ACTR3C: variants seen among roughly 807,000 people sequenced by gnomAD.
The protein encoded by ACTR3C is actin related protein 3C.
In ACTR3C, 18 loss-of-function variants were observed where a neutral mutation model predicts 26.3. That is an observed-to-expected ratio of 0.68 (90% CI 0.47 to 1.01). ACTR3C has a LOEUF of 1.01. Among genes scored for constraint, ACTR3C ranks in the 50% least tolerant of loss-of-function variants. The probability of loss-of-function intolerance (pLI) is 0.00; values close to 1 mark genes in which losing one functional copy is unlikely to be tolerated. For synonymous variants in ACTR3C, 55 were observed against 94.5 expected, an observed-to-expected ratio of 0.58 and a Z score of 2.42; for missense variants, 184 against 250.7, an observed-to-expected ratio of 0.73 and a Z score of 1.80.
chr7:149,988,540 A>C, the ACTR3C span, among the ~76,000 whole-genome samples: 1 of 152,278 alleles, frequency 6.6e-6, no homozygotes, highest in African/African-American at 2.4e-5. Context: ...TGGTTTACTA[A>C]AGATTTCTGC....
At chr7:149,937,082 G>A in the ACTR3C span, among the ~76,000 whole-genome samples, 61 of 152,246 alleles carry the variant, frequency 4.0e-4, no homozygotes, top group African/African-American at 1.4e-3. Context: ...GAGACACTGC[G>A]ACTGGCCATC....
the ACTR3C span, among the ~76,000 whole-genome samples, chr7:150,113,507 A>G: frequency 2.0e-5 from 3 of 152,208 alleles, no homozygotes; most frequent in African/African-American, 4.8e-5. Context: ...ATTGCACTGA[A>G]GCCCCAGGCA....
At chr7:150,133,952 G>A in the ACTR3C span, among the ~76,000 whole-genome samples, 1 of 152,040 alleles carries the variant, frequency 6.6e-6, no homozygotes, top group Non-Finnish European at 1.5e-5. Context: ...TGCTCAGGCT[G>A]GACTTGAATT....
chr7:149,978,086 C>T, the ACTR3C span, among the ~76,000 whole-genome samples: 1 of 151,596 alleles, frequency 6.6e-6, no homozygotes, highest in Admixed American at 6.6e-5. Flanking sequence ...CACGGGTTGC[C>T]TGTGTGGAAG....
the ACTR3C span, among the ~76,000 whole-genome samples, chr7:150,124,215 C>T: frequency 5.9e-5 from 9 of 152,240 alleles, no homozygotes; most frequent in Admixed American, 1.3e-4. Context: ...TTTACTTTCA[C>T]TATAACACTA....
chr7:149,946,216 T>A, the ACTR3C span, among the ~76,000 whole-genome samples: 1 of 152,224 alleles, frequency 6.6e-6, no homozygotes, highest in African/African-American at 2.4e-5. Flanking sequence ...GGCCTGGGAA[T>A]GGAGAGAACC....
the ACTR3C span, among the ~76,000 whole-genome samples, chr7:150,157,134 G>A: frequency 1.6e-4 from 22 of 139,264 alleles, no homozygotes; most frequent in South Asian, 9.9e-4. Flanking sequence ...ATGCAAACTT[G>A]CTTTTATGGC....
At chr7:150,068,896 C>G in the ACTR3C span, among the ~76,000 whole-genome samples, 1 of 151,406 alleles carries the variant, frequency 6.6e-6, no homozygotes, top group African/African-American at 2.4e-5. Context: ...AAGGAAAAGA[C>G]AGCCTGGACT....
chr7:150,160,445 C>T, the ACTR3C span, among the ~76,000 whole-genome samples: 1 of 152,130 alleles, frequency 6.6e-6, no homozygotes, highest in Admixed American at 6.5e-5. Flanking sequence ...AGCACTAGAA[C>T]AAAGAGAAAT....
the ACTR3C span, among the ~76,000 whole-genome samples, chr7:149,886,492 A>T: frequency 2.0e-5 from 3 of 152,216 alleles, no homozygotes; most frequent in Non-Finnish European, 4.4e-5. Flanking sequence ...ATATTCCTGG[A>T]AAAGCAGAGT....
At chr7:150,169,158 C>G in the ACTR3C span, among the ~76,000 whole-genome samples, 964 of 149,924 alleles carry the variant, frequency 6.4e-3, 54 homozygotes, top group African/African-American at 0.019. Context: ...GAGGTGGGCA[C>G]ATCAGGAGGT....
At chr7:150,040,428 G>C in the ACTR3C span, 1 of 148,078 alleles carries the variant, frequency 6.8e-6, no homozygotes, top group Non-Finnish European at 1.5e-5. Context: ...TGCTGTTGTC[G>C]GGATCCCCAT....
the ACTR3C span, among the ~76,000 whole-genome samples, chr7:149,949,201 TACACACAC>T: frequency 4.9e-5 from 7 of 144,296 alleles, no homozygotes; most frequent in East Asian, 3.9e-4. Flanking sequence ...TATACATATA[TACACACAC>T]ACACACACAC....
chr7:149,897,989 C>T, the ACTR3C span, among the ~76,000 whole-genome samples: 1 of 152,178 alleles, frequency 6.6e-6, no homozygotes, highest in Non-Finnish European at 1.5e-5. Context: ...TCACTTTCCC[C>T]ACCTCCTTTT....
Position 150,264,398 on chromosome 7 carries a change from T to C in ACTR3C, c.565-15344A>G, listed in dbSNP as rs577471820. 5.5e-3 allele frequency among the ~76,000 whole-genome samples: 834 copies of C among 150,436 alleles called. 9 individuals carry two copies. Among genetic ancestry groups the C allele is most frequent in the African/African-American group, 0.012 (495 of 40,774 alleles). On this transcript the variant is annotated intron_variant, in intron 6 of 7. Transcript: ENST00000683684. Reference sequence around the variant, plus strand: ...ACACTGCATGAATACTGGCAAGATTTGGGATGGCCTGTGCCATCAAGGTGC... The same window carrying C: ...ACACTGCATGAATACTGGCAAGATTCGGGATGGCCTGTGCCATCAAGGTGC...
At chr7:149,945,050 C>G in the ACTR3C span, among the ~76,000 whole-genome samples, 1 of 151,656 alleles carries the variant, frequency 6.6e-6, no homozygotes, top group Non-Finnish European at 1.5e-5. Flanking sequence ...CTCCTCAGCC[C>G]CAGGGAAATG....
the ACTR3C span, among the ~76,000 whole-genome samples, chr7:150,011,517 A>G: frequency 5.3e-5 from 8 of 152,336 alleles, no homozygotes; most frequent in Non-Finnish European, 1.2e-4. Context: ...CCTGGAAGGC[A>G]GAGGTTGCAG....
At chr7:149,993,651 G>C in the ACTR3C span, among the ~76,000 whole-genome samples, 1 of 151,998 alleles carries the variant, frequency 6.6e-6, no homozygotes, top group African/African-American at 2.4e-5. Context: ...GAGCTAAGCA[G>C]GGCAACCTTC....
the ACTR3C span, among the ~76,000 whole-genome samples, chr7:150,006,894 C>T: frequency 6.6e-6 from 1 of 152,152 alleles, no homozygotes; most frequent in Non-Finnish European, 1.5e-5. Flanking sequence ...TAGGCATATC[C>T]ACATATTAAA....
Sources: gnomAD v4.1 joint callset for allele counts (sites outside exome capture counted in the v4.1 genomes callset) on GRCh38, gnomAD v4.1.1 for gene constraint, MANE v1.5 for transcripts, NCBI Gene and HGNC (gene_info 2026-07-23, HGNC 2026-07-21) for gene names.